The following PSD3 variants were observed in gnomAD, a reference collection of about 807,000 sequenced individuals.
PSD3 encodes the protein pleckstrin and Sec7 domain containing 3.
In PSD3, 49 loss-of-function variants were observed where a neutral mutation model predicts 105.5. The observed-to-expected ratio is 0.46, with a 90% CI of 0.37 to 0.59. The LOEUF is 0.59. Among genes scored for constraint, PSD3 ranks in the 20% least tolerant of loss-of-function variants. The pLI, the probability that PSD3 is intolerant of heterozygous loss-of-function variation, is 0.00. For synonymous variants in PSD3, 557 were observed against 457.8 expected (o/e 1.22, Z -2.77); for missense variants, 1,561 against 1,263.8 (o/e 1.24, Z -3.57).
At chr8:18,551,618 T>G (rs943630589) in intron 15 of PSD3, among the ~76,000 whole-genome samples, 1 of 152,218 alleles carries the variant, frequency 6.6e-6, no homozygotes, top group Non-Finnish European at 1.5e-5. Flanking sequence ...GTGGTTGGTG[T>G]GGGCTCTAAC....
chr8:18,687,038 C>A (rs969215743), intron 9 of PSD3, among the ~76,000 whole-genome samples: 2 of 152,210 alleles, frequency 1.3e-5, no homozygotes, highest in South Asian at 2.1e-4. Context: ...TTTGAAATTA[C>A]CTGCATCTCA....
At chr8:18,655,109 G>T (rs201650730) in intron 10 of PSD3, among the ~76,000 whole-genome samples, 3 of 151,866 alleles carry the variant, frequency 2.0e-5, no homozygotes, top group East Asian at 3.9e-4. Flanking sequence ...GGATCACGAG[G>T]TCAGGAGATC....
intron 9 of PSD3, among the ~76,000 whole-genome samples, chr8:18,729,353 C>G (rs1240031220): frequency 1.3e-5 from 2 of 152,178 alleles, no homozygotes; most frequent in Non-Finnish European, 2.9e-5. Context: ...TAACTGACTC[C>G]TTTAACCCAC....
At chr8:18,904,324 G>A (rs932242737) in intron 2 of PSD3, among the ~76,000 whole-genome samples, 2 of 152,178 alleles carry the variant, frequency 1.3e-5, no homozygotes, top group African/African-American at 4.8e-5. Context: ...TACAGCCACT[G>A]CCAGTGTGCA....
intron 1 of PSD3, among the ~76,000 whole-genome samples, chr8:18,983,582 C>A (rs1825347803): frequency 6.6e-6 from 1 of 152,154 alleles, no homozygotes; most frequent in East Asian, 1.9e-4. Flanking sequence ...ATTGTTGTGT[C>A]TCAGGGAATA....
chr8:19,007,458 GCTACTGA>G (rs146922763), intron 1 of PSD3, among the ~76,000 whole-genome samples: 3,439 of 152,116 alleles, frequency 0.023, 148 homozygotes, highest in African/African-American at 0.079. Flanking sequence ...GCCACATGTA[GCTACTGA>G]CTATCTTATT....
chr8:18,772,279 T>C (rs1158929553), intron 8 of PSD3, among the ~76,000 whole-genome samples: 2 of 152,172 alleles, frequency 1.3e-5, no homozygotes, highest in East Asian at 1.9e-4. Flanking sequence ...ATGATAGTTA[T>C]ATTTCTCATT....
intron 8 of PSD3, among the ~76,000 whole-genome samples, chr8:18,786,377 C>G (rs1224793567): frequency 1.3e-5 from 2 of 152,132 alleles, no homozygotes. Context: ...TAATAATTGT[C>G]ATAATTCATA....
intron 9 of PSD3, among the ~76,000 whole-genome samples, chr8:18,691,036 C>T (rs1585631309): frequency 6.6e-6 from 1 of 152,086 alleles, no homozygotes. Context: ...ATTTGTACAA[C>T]CTATGAGGAC....
At chr8:18,818,351 C>A (rs1359104200) in intron 4 of PSD3, among the ~76,000 whole-genome samples, 2 of 150,756 alleles carry the variant, frequency 1.3e-5, no homozygotes, top group African/African-American at 4.9e-5. Context: ...AAGTAGGGAG[C>A]TACTTTTTTT....
chr8:18,824,492 G>A (rs995012095), intron 4 of PSD3, among the ~76,000 whole-genome samples: 5 of 151,768 alleles, frequency 3.3e-5, no homozygotes, highest in African/African-American at 1.2e-4. Flanking sequence ...GTTACTGTGG[G>A]GATTAAACAA....
Position 18,871,908 on chromosome 8 carries a change from G to T in PSD3, c.956C>A (p.Pro319His). 1 of 1,614,156 alleles carries T rather than the reference G, an allele frequency of 6.2e-7. No individual in the cohort carries two copies. Among genetic ancestry groups the T allele is most frequent in the Non-Finnish European group, 8.5e-7 (1 of 1,180,020 alleles). The change falls in exon 3 of 16, where the codon CCT (proline) becomes CAT (histidine). Residue 319 changes from proline to histidine, a missense_variant. Physicochemically the swap from Pro to His is moderately conservative, Grantham distance 77 (BLOSUM62 -2). Coordinates refer to ENST00000327040, the MANE Select transcript of PSD3 (RefSeq NM_015310.4). ...TTGCAGTGATGTCTCAAAATCTATA[G>T]GATGCTGGGTCTCTCTCTTGTCTCC... is the stretch of plus-strand genomic sequence containing the variant. ...TGGDKRETQH[P>H]IDFETSLQRT... is the part of the protein sequence containing the mutation.
chr8:18,603,525 T>A (rs1034426077), intron 11 of PSD3, among the ~76,000 whole-genome samples: 1 of 152,186 alleles, frequency 6.6e-6, no homozygotes, highest in Non-Finnish European at 1.5e-5. Context: ...TCATTAAAAA[T>A]TCCAAGTTGA....
intron 1 of PSD3, among the ~76,000 whole-genome samples, chr8:19,075,106 C>T (rs567140665): frequency 3.3e-5 from 5 of 151,732 alleles, no homozygotes; most frequent in Middle Eastern, 3.4e-3. Flanking sequence ...ACACCATGCC[C>T]GGCTAATATT....
chr8:19,038,601 C>A (rs1425228726), intron 1 of PSD3, among the ~76,000 whole-genome samples: 1 of 152,160 alleles, frequency 6.6e-6, no homozygotes, highest in Non-Finnish European at 1.5e-5. Context: ...GCTGAAACCA[C>A]AAGCATGTAC....
At chr8:18,740,673 C>T (rs1804499735) in intron 9 of PSD3, among the ~76,000 whole-genome samples, 1 of 152,114 alleles carries the variant, frequency 6.6e-6, no homozygotes, top group South Asian at 2.1e-4. Context: ...TGCTCATATT[C>T]CTTATCTCAG....
chr8:18,544,171 C>CAAAAAAAAAAAAAAAAAA lies in PSD3; in HGVS notation c.2929-8231_2929-8214dup, dbSNP rs201016537. Among the ~76,000 whole-genome samples, 26 of 106,714 alleles carry CAAAAAAAAAAAAAAAAAA rather than the reference C, an allele frequency of 2.4e-4. 1 individual carries two copies. The highest frequency in any genetic ancestry group is 7.5e-4 in the South Asian group (2 of 2,668). 70.0% of individuals were successfully genotyped at this position (106,714 alleles called of 152,430 possible). A position where few individuals can be genotyped will look rare whatever the true frequency, so the allele number is the denominator to read the frequency against. On this transcript the variant is annotated intron_variant, in intron 15 of 15. Transcript: ENST00000327040. ...TACAATGGAAAACAAAGAAACAAAC[C>CAAAAAAAAAAAAAAAAAA]AAAAAAAAAAAAAAAAAAAAAAAAA...
chr8:18,913,865 G>C (rs1287985843), intron 2 of PSD3, among the ~76,000 whole-genome samples: 1 of 152,116 alleles, frequency 6.6e-6, no homozygotes, highest in Non-Finnish European at 1.5e-5. Flanking sequence ...TGCGAACTCA[G>C]GCTCCTACCC....
In PSD3 at chr8:18,541,223, G is replaced by A. The variant is rs75312010; in HGVS notation, c.2929-5265C>T. On this transcript the variant is annotated intron_variant, in intron 15 of 15. Transcript: ENST00000327040. Reference sequence around the variant, plus strand: ...CAATACTAGATACCATCACATGAGGGTAAGGACTTTGCGTTTGTTTACTAA... The same window carrying A: ...CAATACTAGATACCATCACATGAGGATAAGGACTTTGCGTTTGTTTACTAA... 5.5e-3 allele frequency among the ~76,000 whole-genome samples: 822 copies of A among 150,492 alleles called. 10 individuals are homozygous for A. The highest frequency in any genetic ancestry group is 0.019 in the African/African-American group (756 of 40,794).
Sources: allele counts gnomAD v4.1 joint callset (sites outside exome capture counted in the v4.1 genomes callset), GRCh38; gene constraint gnomAD v4.1.1; transcripts MANE v1.5; gene names NCBI Gene and HGNC (gene_info 2026-07-23, HGNC 2026-07-21).